AGAP1: variants seen among roughly 807,000 people sequenced by gnomAD.
AGAP1 encodes the protein arf-GAP with GTPase, ANK repeat and PH domain-containing protein 1.
Under a neutral mutation model 105.3 loss-of-function variants are expected in AGAP1, and 29 were observed. The observed-to-expected ratio is 0.28, with a 90% CI of 0.21 to 0.38. The LOEUF (loss-of-function observed/expected upper bound fraction) is 0.38, where lower values mean the gene tolerates loss of function less well. Ranked by LOEUF, AGAP1 falls within the 10% of genes least tolerant of loss-of-function variation. The pLI is 1.00. For missense variants in AGAP1, 998 were observed against 1,165.1 expected (o/e 0.86, Z 2.09); for synonymous variants, 509 against 485.9 (o/e 1.05, Z -0.63).
At position 236,126,650 on chromosome 2, in the gene AGAP1, G is replaced by A. The variant is rs1466552261; in HGVS notation, c.*2528G>A. On this transcript the variant is annotated 3_prime_UTR_variant, in exon 18 of 18. Transcript: ENST00000304032. ...CACAAGCTGCCATGACTCCCCCTCA[G>A]AAAACACAGCCCCTCCTCTACCATT... 6.6e-6 allele frequency: 1 copy of A among 152,086 alleles called. No individual in the cohort carries two copies. The highest frequency in any genetic ancestry group is 2.4e-5 in the African/African-American group (1 of 41,410). 9.4% of individuals were successfully genotyped at this position (152,086 alleles called of 1,614,324 possible). A position where few individuals can be genotyped will look rare whatever the true frequency, so the allele number is the denominator to read the frequency against.
At chr2:235,508,647 CA>C (rs1941940354) in intron 1 of AGAP1, among the ~76,000 whole-genome samples, 1 of 152,184 alleles carries the variant, frequency 6.6e-6, no homozygotes, top group South Asian at 2.1e-4. Context: ...GGAGGATTTC[CA>C]AACGGCATGC....
At chr2:236,011,278 T>A (rs900513685) in intron 13 of AGAP1, among the ~76,000 whole-genome samples, 1 of 152,244 alleles carries the variant, frequency 6.6e-6, no homozygotes, top group African/African-American at 2.4e-5. Flanking sequence ...CTGACTGTTC[T>A]GCCTACCCAG....
Position 235,866,346 on chromosome 2 carries a change from G to A in AGAP1, c.1051-16999G>A, listed in dbSNP as rs1395190085. On this transcript the variant is annotated intron_variant, in intron 9 of 17. Transcript: ENST00000304032. The surrounding 1 kb of genome is among the most constrained non-coding windows in gnomAD (Gnocchi z 6.1). Reference sequence around the variant, plus strand: ...GAATTCCCACCGAGGGAGACAATCCGTGTGTGTGATCGGGGTGTTCTGGAC... The same window carrying A: ...GAATTCCCACCGAGGGAGACAATCCATGTGTGTGATCGGGGTGTTCTGGAC... 3.9e-5 allele frequency among the ~76,000 whole-genome samples: 6 copies of A among 152,166 alleles called. No homozygotes were observed. Among genetic ancestry groups the A allele is most frequent in the Non-Finnish European group, 8.8e-5 (6 of 68,028 alleles).
chr2:235,810,485 A>G (rs1340179825), intron 9 of AGAP1, among the ~76,000 whole-genome samples: 1 of 152,150 alleles, frequency 6.6e-6, no homozygotes, highest in Non-Finnish European at 1.5e-5. Flanking sequence ...GAGTCTTGTA[A>G]TGGATGGTTT....
At chr2:235,817,896 A>G (rs1042927398) in intron 9 of AGAP1, among the ~76,000 whole-genome samples, 30 of 152,370 alleles carry the variant, frequency 2.0e-4, no homozygotes, top group African/African-American at 5.8e-4. Context: ...GTCTCAAAAA[A>G]AAGAAGAGTT....
Position 235,596,724 on chromosome 2 carries a change from C to T in AGAP1, c.163+101875C>T, listed in dbSNP as rs1009290778. 6.6e-6 allele frequency among the ~76,000 whole-genome samples: 1 copy of T among 152,200 alleles called. No homozygotes were observed. The highest frequency in any genetic ancestry group is 1.5e-5 in the Non-Finnish European group (1 of 68,040). ...AGGTCAATCAGCTTTCACTCTTCCT[C>T]TCTTGTGCCCCAGTCCTAGTGATGA... On this transcript the variant is annotated intron_variant, in intron 1 of 17. Transcript: ENST00000304032. The surrounding 1 kb of genome is among the most constrained non-coding windows in gnomAD (Gnocchi z 5.9).
At chr2:235,803,028 G>A (rs1957631664) in intron 8 of AGAP1, among the ~76,000 whole-genome samples, 1 of 121,294 alleles carries the variant, frequency 8.2e-6, no homozygotes, top group East Asian at 2.7e-4. Flanking sequence ...GGTGGTGATG[G>A]TTGTGATGGT....
intron 1 of AGAP1, among the ~76,000 whole-genome samples, chr2:235,538,825 G>A (rs1943338663): frequency 6.6e-6 from 1 of 152,128 alleles, no homozygotes; most frequent in African/African-American, 2.4e-5. Flanking sequence ...GTGTGGGAAA[G>A]CTTACTTACT....
chr2:235,763,377 C>T (rs1954632037), intron 6 of AGAP1, among the ~76,000 whole-genome samples: 2 of 152,148 alleles, frequency 1.3e-5, no homozygotes, highest in African/African-American at 4.8e-5. Context: ...CTTTTCCCAC[C>T]CTGTGGTTAT....
chr2:236,048,000 G>T (rs1047191950), intron 15 of AGAP1, among the ~76,000 whole-genome samples: 2 of 152,166 alleles, frequency 1.3e-5, no homozygotes, highest in Non-Finnish European at 2.9e-5. Context: ...ATCAACTGGC[G>T]TAAGGCTATT....
chr2:235,645,565 AAAG>A (rs1185017984), intron 1 of AGAP1, among the ~76,000 whole-genome samples: 8 of 152,248 alleles, frequency 5.3e-5, no homozygotes, highest in African/African-American at 1.7e-4. Flanking sequence ...GGCCACCGTG[AAAG>A]AAGAAGAGTT....
At chr2:235,978,748 G>A (rs2054962616) in intron 13 of AGAP1, among the ~76,000 whole-genome samples, 1 of 152,126 alleles carries the variant, frequency 6.6e-6, no homozygotes, top group South Asian at 2.1e-4. Context: ...CTCCCTCTGT[G>A]CATGTCCATT....
At chr2:235,846,416 T>G (rs964691873) in intron 9 of AGAP1, among the ~76,000 whole-genome samples, 8 of 151,968 alleles carry the variant, frequency 5.3e-5, no homozygotes, top group Middle Eastern at 3.4e-3. Flanking sequence ...GACCTCCACC[T>G]CCCCAGTTCA....
intron 11 of AGAP1, among the ~76,000 whole-genome samples, chr2:235,929,012 C>A (rs2052589565): frequency 6.6e-6 from 1 of 152,182 alleles, no homozygotes; most frequent in South Asian, 2.1e-4. Flanking sequence ...GGCGTTAGGG[C>A]ACGCCCATGC....
chr2:235,790,191 C>T (rs962225999), intron 6 of AGAP1, among the ~76,000 whole-genome samples: 3 of 152,176 alleles, frequency 2.0e-5, no homozygotes, highest in South Asian at 2.1e-4. Flanking sequence ...GAAGATGGAA[C>T]GTACATTAAA....
rs147842084 is a variant in AGAP1 at position 235,828,393 on chromosome 2, T to C, written c.1050+21062T>C. Among the ~76,000 whole-genome samples, 805 of 152,250 alleles carry C rather than the reference T, an allele frequency of 5.3e-3. 2 individuals carry two copies. The highest frequency in any genetic ancestry group is 8.5e-3 in the Non-Finnish European group (581 of 68,010). On this transcript the variant is annotated intron_variant, in intron 9 of 17. Transcript: ENST00000304032. ...CTCACAACCACCTTAGGAGGGATAATAGCATAATCCCCATTTCACAGACAG... is the reference window on the plus strand; with the variant it reads ...CTCACAACCACCTTAGGAGGGATAACAGCATAATCCCCATTTCACAGACAG...
At chr2:235,761,800 T>G (rs1954465523) in intron 6 of AGAP1, among the ~76,000 whole-genome samples, 1 of 152,150 alleles carries the variant, frequency 6.6e-6, no homozygotes, top group East Asian at 1.9e-4. Flanking sequence ...TTTATAATTT[T>G]TTTTTCCTTA....
intron 16 of AGAP1, among the ~76,000 whole-genome samples, chr2:236,068,797 C>CAAA (rs35724496): frequency 5.2e-5 from 3 of 57,580 alleles, no homozygotes; most frequent in African/African-American, 1.3e-4. Context: ...GACTCCGTCT[C>CAAA]AAAAAAAAAA....
intron 16 of AGAP1, among the ~76,000 whole-genome samples, chr2:236,066,982 C>A (rs1011340393): frequency 6.6e-6 from 1 of 151,980 alleles, no homozygotes; most frequent in Admixed American, 6.6e-5. Flanking sequence ...ATACATTTTC[C>A]CCATGTAAGG....
Sources: allele counts gnomAD v4.1 joint callset (sites outside exome capture counted in the v4.1 genomes callset), GRCh38; gene constraint gnomAD v4.1.1; non-coding constraint Gnocchi (gnomAD v3.1); transcripts MANE v1.5; gene names NCBI Gene and HGNC (gene_info 2026-07-23, HGNC 2026-07-21).